The following SRGAP2C variants were observed in gnomAD, a reference collection of about 807,000 sequenced individuals.
SRGAP2C encodes the protein SLIT-ROBO Rho GTPase-activating protein 2C.
In SRGAP2C, 15 loss-of-function variants were observed where a neutral mutation model predicts 25.1. That is an observed-to-expected ratio of 0.60 (90% CI 0.40 to 0.92). SRGAP2C has a LOEUF of 0.92. SRGAP2C is among the 40% of genes least tolerant of loss of function. SRGAP2C has a pLI of 0.00. For synonymous variants in SRGAP2C, 44 were observed against 96.6 expected (o/e 0.46, Z 3.19); for missense variants, 144 against 264.4 (o/e 0.54, Z 3.16).
intron 3 of SRGAP2C, among the ~76,000 whole-genome samples, chr1:121,295,382 A>G (rs1340566938): frequency 6.6e-6 from 1 of 151,332 alleles, no homozygotes; most frequent in Non-Finnish European, 1.5e-5. Context: ...GAAACATGAG[A>G]CCAAGGAAAC....
intron 2 of SRGAP2C, among the ~76,000 whole-genome samples, chr1:121,197,184 G>A (rs1268187480): frequency 6.7e-6 from 1 of 150,118 alleles, no homozygotes; most frequent in Non-Finnish European, 1.5e-5. Context: ...ACCCCTCCAG[G>A]AAGCCTTCCC....
At chr1:121,306,297 C>T (rs1553339418) in intron 3 of SRGAP2C, among the ~76,000 whole-genome samples, 3 of 136,746 alleles carry the variant, frequency 2.2e-5, no homozygotes, top group African/African-American at 8.4e-5. Flanking sequence ...TGGACCCACA[C>T]CATTGCTTTC....
Position 121,191,148 on chromosome 1 carries a change from A to G in SRGAP2C, c.67+3635A>G, listed in dbSNP as rs587668747. Among the ~76,000 whole-genome samples the G allele has an allele frequency of 4.5e-3, 686 of 151,762 alleles. 1 individual carries two copies. The highest frequency in any genetic ancestry group is 7.4e-3 in the Non-Finnish European group (502 of 67,772). ...TTTTACATAGCTCTTTCCAATTTAC[A>G]TTATGCTTTCATATGTAGTTGTCCG... On this transcript the variant is annotated intron_variant, in intron 2 of 9. Transcript: ENST00000367123.
chr1:121,249,570 ATATATATATATTTTTTTT>A (rs1287664395), intron 2 of SRGAP2C, among the ~76,000 whole-genome samples: 2 of 33,982 alleles, frequency 5.9e-5, no homozygotes, highest in African/African-American at 1.4e-4. Flanking sequence ...ATATATATAT[ATATATATATATTTTTTTT>A]TTTTTTTTTT....
chr1:121,264,659 A>G (rs1656720094), intron 2 of SRGAP2C, among the ~76,000 whole-genome samples: 1 of 151,450 alleles, frequency 6.6e-6, no homozygotes, highest in Non-Finnish European at 1.5e-5. Context: ...GGTAATTCCA[A>G]TCCTTTACAT....
intron 2 of SRGAP2C, among the ~76,000 whole-genome samples, chr1:121,217,290 G>A (rs1977743): frequency 0.91 from 125,715 of 137,964 alleles, 57,612 homozygotes; most frequent in African/African-American, 0.98. Context: ...CCATTCTGTA[G>A]GAATCAATTT....
chr1:121,217,870 A>G (rs1655431961), intron 2 of SRGAP2C, among the ~76,000 whole-genome samples: 1 of 151,854 alleles, frequency 6.6e-6, no homozygotes, highest in South Asian at 2.1e-4. Context: ...GATAGTTGGT[A>G]CTTGTACCTT....
intron 4 of SRGAP2C, among the ~76,000 whole-genome samples, chr1:121,339,257 T>C (rs1658592746): frequency 7.0e-6 from 1 of 142,958 alleles, no homozygotes; most frequent in South Asian, 2.1e-4. Flanking sequence ...GTTGTCTTTT[T>C]TTTTTTTTTT....
intron 2 of SRGAP2C, among the ~76,000 whole-genome samples, chr1:121,259,745 A>C (rs1230151108): frequency 2.0e-5 from 3 of 150,296 alleles, no homozygotes; most frequent in African/African-American, 7.3e-5. Flanking sequence ...ATAAATTGCT[A>C]GTGTTTAGAA....
At chr1:121,368,054 C>G (rs1282765003) in intron 5 of SRGAP2C, among the ~76,000 whole-genome samples, 140 of 68,774 alleles carry the variant, frequency 2.0e-3, no homozygotes, top group Middle Eastern at 0.016. Flanking sequence ...CCAGCCTGGG[C>G]AACAGAGCGA....
intron 3 of SRGAP2C, 117 bp downstream of exon 3, chr1:121,285,112 G>T (rs1365448609): frequency 1.7e-5 from 8 of 482,454 alleles, no homozygotes; most frequent in African/African-American, 1.2e-4. Context: ...CTTCAGATTG[G>T]TTGAAAGCCC....
Position 121,211,461 on chromosome 1 carries a change from A to ATACATCT in SRGAP2C, c.67+23949_67+23950insACATCTT, listed in dbSNP as rs1655255488. On this transcript the variant is annotated intron_variant, in intron 2 of 9. Transcript: ENST00000367123. Reference sequence around the variant, plus strand: ...CACACACACACACACACACACACACATCTTACCTTATTTAGGATCTCCCAG... The same window carrying ATACATCT: ...CACACACACACACACACACACACACATACATCTTCTTACCTTATTTAGGATCTCCCAG... 3.4e-5 allele frequency among the ~76,000 whole-genome samples: 5 copies of ATACATCT among 146,280 alleles called. No individual in the cohort carries two copies. In the South Asian group the frequency reaches 1.1e-3, roughly 32 times the overall value.
chr1:121,352,906 G>T (rs1476342860), intron 4 of SRGAP2C, among the ~76,000 whole-genome samples: 1 of 143,428 alleles, frequency 7.0e-6, no homozygotes, highest in Non-Finnish European at 1.5e-5. Context: ...TGGATAACAT[G>T]GTGAAACCCC....
chr1:121,213,064 T>C (rs1202994060), intron 2 of SRGAP2C, among the ~76,000 whole-genome samples: 1 of 150,948 alleles, frequency 6.6e-6, no homozygotes, highest in African/African-American at 2.4e-5. Flanking sequence ...TTTTTTTTTT[T>C]AGACAGTGTC....
chr1:121,356,837 G>A (rs1553347709), intron 4 of SRGAP2C, among the ~76,000 whole-genome samples: 1 of 151,484 alleles, frequency 6.6e-6, no homozygotes, highest in African/African-American at 2.4e-5. Context: ...CTGTTTTAAG[G>A]GATGTTGTTT....
chr1:121,303,385 A>G (rs1368768655), intron 3 of SRGAP2C, among the ~76,000 whole-genome samples: 2 of 149,654 alleles, frequency 1.3e-5, no homozygotes, highest in Non-Finnish European at 1.5e-5. Context: ...TATTTGGCCA[A>G]TGGAGTCCCT....
chr1:121,268,339 T>A (rs2101543209), intron 2 of SRGAP2C, among the ~76,000 whole-genome samples: 1 of 151,252 alleles, frequency 6.6e-6, no homozygotes, highest in East Asian at 1.9e-4. Context: ...TTGCTTGCCA[T>A]GTTCTATGAC....
chr1:121,201,941 C>T (rs1219851219), intron 2 of SRGAP2C, among the ~76,000 whole-genome samples: 1 of 152,058 alleles, frequency 6.6e-6, no homozygotes, highest in Non-Finnish European at 1.5e-5. Flanking sequence ...TTTGCCTAGG[C>T]CAAGAGTGTC....
chr1:121,334,632 C>A, intron 4 of SRGAP2C, among the ~76,000 whole-genome samples: 1 of 140,362 alleles, frequency 7.1e-6, no homozygotes, highest in African/African-American at 2.7e-5. Flanking sequence ...CATGCCCAGC[C>A]CTTCTTTATT....
Sources: gnomAD v4.1 joint callset for allele counts (sites outside exome capture counted in the v4.1 genomes callset) on GRCh38, gnomAD v4.1.1 for gene constraint, MANE v1.5 for transcripts, NCBI Gene and HGNC (gene_info 2026-07-23, HGNC 2026-07-21) for gene names.